The following ACYP2 variants were observed in gnomAD, a reference collection of about 807,000 sequenced individuals.
ACYP2 encodes acylphosphatase-2.
ACYP2 carries 12 observed loss-of-function variants against 11.2 expected under a neutral mutation model. The observed-to-expected ratio is 1.08, with a 90% CI of 0.69 to 1.74. The LOEUF (loss-of-function observed/expected upper bound fraction) is 1.74, where lower values mean the gene tolerates loss of function less well. Among genes scored for constraint, ACYP2 ranks in the 40% most tolerant of loss-of-function variants. The pLI, the probability that ACYP2 is intolerant of heterozygous loss-of-function variation, is 0.00. For synonymous variants in ACYP2, 43 were observed against 32.2 expected, an observed-to-expected ratio of 1.33 and a Z score of -1.13; for missense variants, 134 against 101.9, an observed-to-expected ratio of 1.31 and a Z score of -1.35.
At chr2:54,072,470 T>C (rs905716067) in intron 4 of ACYP2, among the ~76,000 whole-genome samples, 2 of 111,898 alleles carry the variant, frequency 1.8e-5, no homozygotes, top group African/African-American at 6.3e-5. Flanking sequence ...TTCTTTCTTT[T>C]TCTTTCTTTC....
chr2:54,283,898 T>C (rs867070525), intron 6 of ACYP2, among the ~76,000 whole-genome samples: 41 of 152,208 alleles, frequency 2.7e-4, no homozygotes, highest in African/African-American at 9.6e-4. Context: ...GTGGATCACC[T>C]GAAGTCAGGA....
At chr2:54,180,878 C>T (rs1420597280) in intron 6 of ACYP2, among the ~76,000 whole-genome samples, 2 of 152,150 alleles carry the variant, frequency 1.3e-5, no homozygotes, top group Admixed American at 6.6e-5. Flanking sequence ...GTTAATATCA[C>T]AGACATTCAT....
At chr2:54,055,492 T>C (rs1676092708) in intron 3 of ACYP2, among the ~76,000 whole-genome samples, 1 of 152,354 alleles carries the variant, frequency 6.6e-6, no homozygotes, top group African/African-American at 2.4e-5. Flanking sequence ...TTTTGACATA[T>C]ATTGTCCAAT....
At chr2:54,014,562 C>G (rs1673573936) in intron 2 of ACYP2, among the ~76,000 whole-genome samples, 1 of 152,100 alleles carries the variant, frequency 6.6e-6, no homozygotes, top group South Asian at 2.1e-4. Flanking sequence ...CTTAAGTGAT[C>G]CGCCCACCTT....
intron 6 of ACYP2, among the ~76,000 whole-genome samples, chr2:54,252,777 A>C (rs1035121902): frequency 1.3e-5 from 2 of 151,874 alleles, no homozygotes; most frequent in African/African-American, 4.8e-5. Flanking sequence ...GGTTGCGGGC[A>C]CCTGTAGTCC....
At chr2:53,985,511 A>G (rs1276494032) in intron 2 of ACYP2, among the ~76,000 whole-genome samples, 1 of 152,198 alleles carries the variant, frequency 6.6e-6, no homozygotes, top group African/African-American at 2.4e-5. Context: ...TATGTTCTCC[A>G]AAAGATATCT....
At chr2:53,984,277 G>C (rs946545042) in intron 2 of ACYP2, among the ~76,000 whole-genome samples, 2 of 152,116 alleles carry the variant, frequency 1.3e-5, no homozygotes. Context: ...CATAGATGGA[G>C]AAACTCAACA....
At chr2:54,209,121 T>C (rs1446868411) in intron 6 of ACYP2, among the ~76,000 whole-genome samples, 2 of 152,170 alleles carry the variant, frequency 1.3e-5, no homozygotes, top group African/African-American at 2.4e-5. Context: ...AAAATCTGTT[T>C]TCTTAAAATA....
chr2:54,124,192 G>A (rs1158255311), intron 4 of ACYP2, among the ~76,000 whole-genome samples: 1 of 150,450 alleles, frequency 6.6e-6, no homozygotes, highest in African/African-American at 2.5e-5. Flanking sequence ...AGTTCATATT[G>A]AATCTTTTTT....
chr2:53,979,674 A>T (rs181004771), intron 2 of ACYP2, among the ~76,000 whole-genome samples: 2 of 152,040 alleles, frequency 1.3e-5, no homozygotes, highest in African/African-American at 4.8e-5. Flanking sequence ...ATATTTCTGT[A>T]CAGCAGTACA....
chr2:54,142,992 C>CT (rs1681687466), intron 6 of ACYP2: 2 of 152,162 alleles, frequency 1.3e-5, no homozygotes, highest in South Asian at 2.1e-4. Context: ...TATCTAATGA[C>CT]TTTTGTGTAT....
At chr2:54,177,103 G>T (rs1683495038) in intron 6 of ACYP2, among the ~76,000 whole-genome samples, 1 of 152,038 alleles carries the variant, frequency 6.6e-6, no homozygotes, top group Non-Finnish European at 1.5e-5. Flanking sequence ...TATTTTGCTG[G>T]GTAGTCTCCA....
chr2:54,134,677 A>G lies in ACYP2; in HGVS notation c.278-776A>G, dbSNP rs1490023996. ...TTTTAAAAGAAACTAATTTTCAAAAACACTTTCTAAATATATTCAGAGTAA... is the reference window on the plus strand; with the variant it reads ...TTTTAAAAGAAACTAATTTTCAAAAGCACTTTCTAAATATATTCAGAGTAA... On this transcript the variant is annotated intron_variant, in intron 4 of 6. Transcript: ENST00000607452. 2.6e-5 allele frequency among the ~76,000 whole-genome samples: 4 copies of G among 152,360 alleles called. No homozygotes were observed. The East Asian group carries it at 7.7e-4, about 29-fold the overall frequency.
chr2:54,223,455 C>G (rs148084132), intron 6 of ACYP2, among the ~76,000 whole-genome samples: 4 of 152,272 alleles, frequency 2.6e-5, no homozygotes, highest in African/African-American at 9.6e-5. Flanking sequence ...TTTTCCCAGA[C>G]CACTTTTCCT....
chr2:54,289,103 T>C (rs1689198696), intron 6 of ACYP2, among the ~76,000 whole-genome samples: 1 of 152,042 alleles, frequency 6.6e-6, no homozygotes, highest in African/African-American at 2.4e-5. Flanking sequence ...ATTTTGATTC[T>C]GGTTGCTAGA....
chr2:54,201,658 C>CTTTCTTTCTT (rs1684823009), intron 6 of ACYP2, among the ~76,000 whole-genome samples: 1 of 79,072 alleles, frequency 1.3e-5, no homozygotes, highest in Non-Finnish European at 2.9e-5. Context: ...TTCTTTCTTT[C>CTTTCTTTCTT]TTTCTTTCTT....
At chr2:54,077,340 C>T (rs563725521) in intron 4 of ACYP2, among the ~76,000 whole-genome samples, 152 of 152,306 alleles carry the variant, frequency 1.0e-3, no homozygotes, top group Admixed American at 1.7e-3. Context: ...CCATTGTTTG[C>T]TTTATAAGGG....
chr2:54,135,421 C>T, intron 4 of ACYP2, 32 bp from the exon 2 acceptor site: 1 of 1,599,088 alleles, frequency 6.3e-7, no homozygotes, highest in South Asian at 1.1e-5. Flanking sequence ...GGAGGACAAG[C>T]TGACAATTCT....
chr2:54,272,449 C>T (rs1457616710), intron 6 of ACYP2, among the ~76,000 whole-genome samples: 1 of 105,918 alleles, frequency 9.4e-6, no homozygotes, highest in East Asian at 2.3e-4. Flanking sequence ...CTTCCTGTTT[C>T]TAGGTCATAG....
Sources: gnomAD v4.1 joint callset for allele counts (sites outside exome capture counted in the v4.1 genomes callset) on GRCh38, gnomAD v4.1.1 for gene constraint, MANE v1.5 for transcripts, NCBI Gene and HGNC (gene_info 2026-07-23, HGNC 2026-07-21) for gene names.